Variants in DCLK1 observed in about 807,000 individuals in gnomAD.
DCLK1 encodes serine/threonine-protein kinase DCLK1.
DCLK1 carries 16 observed loss-of-function variants against 86.2 expected under a neutral mutation model. The observed-to-expected ratio is 0.19, with a 90% CI of 0.13 to 0.28. The LOEUF (loss-of-function observed/expected upper bound fraction) is 0.28, where lower values mean the gene tolerates loss of function less well. Among genes scored for constraint, DCLK1 ranks in the 10% least tolerant of loss-of-function variants. The pLI, the probability that DCLK1 is intolerant of heterozygous loss-of-function variation, is 1.00. For missense variants in DCLK1, 590 were observed against 940.2 expected (o/e 0.63, Z 4.87); for synonymous variants, 369 against 370.5 (o/e 1.00, Z 0.05).
At chr13:35,840,173 G>A (rs557466678) in intron 6 of DCLK1, among the ~76,000 whole-genome samples, 2 of 152,210 alleles carry the variant, frequency 1.3e-5, no homozygotes, top group South Asian at 4.2e-4. Flanking sequence ...GTGGCGAGAA[G>A]CAAAGCTGAC....
chr13:36,036,904 C>T (rs1882524036), intron 3 of DCLK1, among the ~76,000 whole-genome samples: 1 of 151,970 alleles, frequency 6.6e-6, no homozygotes, highest in African/African-American at 2.4e-5. Context: ...GAAAGGAAAT[C>T]AATATATTGA....
intron 4 of DCLK1, among the ~76,000 whole-genome samples, chr13:35,920,616 A>T (rs116209410): frequency 0.015 from 2,237 of 152,188 alleles, 62 homozygotes; most frequent in African/African-American, 0.051. Flanking sequence ...CAAGGTTGAG[A>T]CCATGGAGGA....
At chr13:35,775,629 T>C (rs1030177455) in intron 16 of DCLK1, among the ~76,000 whole-genome samples, 3 of 152,174 alleles carry the variant, frequency 2.0e-5, no homozygotes, top group East Asian at 3.8e-4. Context: ...AAGAAAAATA[T>C]AGAACACATA....
At chr13:35,939,260 A>G (rs993021810) in intron 4 of DCLK1, among the ~76,000 whole-genome samples, 2 of 152,174 alleles carry the variant, frequency 1.3e-5, no homozygotes, top group Non-Finnish European at 2.9e-5. Flanking sequence ...CAAACCCTCT[A>G]TTTCAGACAT....
At chr13:36,043,104 A>G (rs1882750530) in intron 3 of DCLK1, among the ~76,000 whole-genome samples, 1 of 152,180 alleles carries the variant, frequency 6.6e-6, no homozygotes, top group Admixed American at 6.5e-5. Context: ...ATTCTTTAAA[A>G]AAATTCTTGA....
intron 4 of DCLK1, among the ~76,000 whole-genome samples, chr13:35,912,374 G>A (rs1037548733): frequency 2.0e-5 from 3 of 152,052 alleles, no homozygotes; most frequent in South Asian, 2.1e-4. Flanking sequence ...TTTACCAATC[G>A]AATGTTGTCT....
chr13:35,911,348 A>G (rs1165891462), intron 4 of DCLK1, among the ~76,000 whole-genome samples: 1 of 151,728 alleles, frequency 6.6e-6, no homozygotes, highest in African/African-American at 2.4e-5. Context: ...CTTTTCAGAG[A>G]TAAACACTTG....
intron 3 of DCLK1, among the ~76,000 whole-genome samples, chr13:36,000,241 C>G (rs549036112): frequency 6.6e-6 from 1 of 152,302 alleles, no homozygotes; most frequent in South Asian, 2.1e-4. Context: ...GGCACTTACT[C>G]TCTACTGTCA....
intron 3 of DCLK1, among the ~76,000 whole-genome samples, chr13:36,107,283 T>C (rs1042655449): frequency 4.0e-5 from 6 of 151,438 alleles, no homozygotes; most frequent in Non-Finnish European, 5.9e-5. Context: ...ATGTTTTCCA[T>C]ATTGGGAAAA....
At chr13:35,930,449 G>A (rs766451554) in intron 4 of DCLK1, among the ~76,000 whole-genome samples, 7 of 151,930 alleles carry the variant, frequency 4.6e-5, no homozygotes, top group Non-Finnish European at 7.4e-5. Flanking sequence ...GAAATTAATT[G>A]GATTAGCCAG....
chr13:36,111,025 G>A (rs1035830908), intron 3 of DCLK1, among the ~76,000 whole-genome samples: 1 of 151,414 alleles, frequency 6.6e-6, no homozygotes, highest in Admixed American at 6.6e-5. Flanking sequence ...GAGTAGAGAC[G>A]GGGTTTCACC....
At chr13:36,079,965 A>G (rs1884362583) in intron 3 of DCLK1, among the ~76,000 whole-genome samples, 1 of 152,212 alleles carries the variant, frequency 6.6e-6, no homozygotes, top group African/African-American at 2.4e-5. Flanking sequence ...ACTTATCCTT[A>G]CCAATGACAT....
At chr13:36,056,416 T>C (rs1443178965) in intron 3 of DCLK1, among the ~76,000 whole-genome samples, 1 of 107,422 alleles carries the variant, frequency 9.3e-6, no homozygotes, top group African/African-American at 3.6e-5. Context: ...AATTGAACAA[T>C]GAGATCACAT....
chr13:35,826,523 C>CAAA (rs533243711), intron 10 of DCLK1, among the ~76,000 whole-genome samples: 2 of 19,814 alleles, frequency 1.0e-4, no homozygotes, highest in Non-Finnish European at 1.3e-4. Flanking sequence ...AACTCCATCT[C>CAAA]AAAAAAAAAA....
At chr13:35,971,763 CA>C (rs71643790) in intron 3 of DCLK1, among the ~76,000 whole-genome samples, 460 of 130,052 alleles carry the variant, frequency 3.5e-3, no homozygotes, top group Middle Eastern at 0.017. Flanking sequence ...AACTCCATCT[CA>C]AAAAAAAAAA....
At chr13:35,866,747 G>A (rs573850341) in intron 5 of DCLK1, among the ~76,000 whole-genome samples, 1 of 152,074 alleles carries the variant, frequency 6.6e-6, no homozygotes, top group East Asian at 1.9e-4. Flanking sequence ...GTGGTAGTTG[G>A]GTTTGGGGCA....
chr13:35,936,962 CTTTTTTTT>C (rs140269668), intron 4 of DCLK1, among the ~76,000 whole-genome samples: 14 of 65,730 alleles, frequency 2.1e-4, no homozygotes, highest in East Asian at 6.2e-4. Context: ...GAAAAGTTAG[CTTTTTTTT>C]TTTTTTTTTT....
At chr13:35,816,080 C>A (rs185372257) in intron 11 of DCLK1, among the ~76,000 whole-genome samples, 1 of 152,108 alleles carries the variant, frequency 6.6e-6, no homozygotes, top group African/African-American at 2.4e-5. Flanking sequence ...GCAGCTGCAG[C>A]GAGATACACA....
intron 3 of DCLK1, among the ~76,000 whole-genome samples, chr13:36,072,138 C>T (rs1883997531): frequency 6.6e-6 from 1 of 152,152 alleles, no homozygotes; most frequent in Non-Finnish European, 1.5e-5. Flanking sequence ...AACTAGCTCC[C>T]TCACCTATTT....
Sources: allele counts gnomAD v4.1 joint callset (sites outside exome capture counted in the v4.1 genomes callset), GRCh38; gene constraint gnomAD v4.1.1; transcripts MANE v1.5; gene names NCBI Gene and HGNC (gene_info 2026-07-23, HGNC 2026-07-21).